AK7: variants seen among roughly 807,000 people sequenced by gnomAD.
AK7 encodes the protein adenylate kinase 7.
A neutral mutation model predicts 96.6 loss-of-function variants in AK7; 78 were observed. The ratio of observed to expected loss-of-function variants is 0.81; its 90% CI spans 0.67 to 0.97. The LOEUF is 0.97. Ranked by LOEUF, AK7 falls within the 50% of genes least tolerant of loss-of-function variation. AK7 has a pLI of 0.00. For missense variants in AK7, 855 were observed against 887.9 expected, an observed-to-expected ratio of 0.96 and a Z score of 0.47; for synonymous variants, 302 against 317.2, an observed-to-expected ratio of 0.95 and a Z score of 0.51.
At chr14:96,466,811 TAGAAACTCC>T (rs1450085233) in intron 12 of AK7, among the ~76,000 whole-genome samples, 1 of 152,204 alleles carries the variant, frequency 6.6e-6, no homozygotes, top group Non-Finnish European at 1.5e-5. Flanking sequence ...TAACGTCATG[TAGAAACTCC>T]ATACCATTAA....
At chr14:96,484,622 T>C (rs186450180) in intron 16 of AK7, among the ~76,000 whole-genome samples, 1 of 152,342 alleles carries the variant, frequency 6.6e-6, no homozygotes, top group Admixed American at 6.5e-5. Context: ...CCTGGCATCT[T>C]TACCAGAAGT....
intron 15 of AK7, among the ~76,000 whole-genome samples, chr14:96,481,091 C>T (rs191442634): frequency 4.6e-5 from 7 of 152,290 alleles, no homozygotes; most frequent in African/African-American, 1.7e-4. Context: ...TACAATGCTA[C>T]CCTGGGAGCC....
rs551954630 is a variant in AK7 at position 96,478,345 on chromosome 14, A to G, written c.1556-120A>G. The G allele has an allele frequency of 6.2e-6, 6 of 963,040 alleles. No individual in the cohort carries two copies. In the African/African-American group the frequency reaches 8.0e-5, roughly 13 times the overall value. The allele number at this position is 963,040 out of a possible 1,614,324, so 59.7% of individuals were successfully genotyped here. On this transcript the variant is annotated intron_variant, in intron 14 of 17. Transcript: ENST00000267584. ...CATGAGAGGCAGCAAAGCCAATTGG[A>G]CAGGCTATTTGTGGCAACAGGAGGT...
At chr14:96,405,599 C>T (rs1486153524) in intron 3 of AK7, among the ~76,000 whole-genome samples, 1 of 152,144 alleles carries the variant, frequency 6.6e-6, no homozygotes, top group Admixed American at 6.5e-5. Context: ...CCCCAAGGCA[C>T]AAGTCATCAC....
At chr14:96,423,942 C>A in intron 5 of AK7, 1 of 1,059,476 alleles carries the variant, frequency 9.4e-7, no homozygotes, top group Non-Finnish European at 1.5e-6. Context: ...CACTGCCCTT[C>A]ATGTGGACCA....
chr14:96,411,502 C>A (rs541858853), intron 4 of AK7, among the ~76,000 whole-genome samples: 1 of 151,488 alleles, frequency 6.6e-6, no homozygotes, highest in African/African-American at 2.4e-5. Context: ...CAGAGAGAGG[C>A]CCTGTCTCAA....
At chr14:96,475,384 GA>G (rs2140163409) in intron 14 of AK7, among the ~76,000 whole-genome samples, 1 of 152,262 alleles carries the variant, frequency 6.6e-6, no homozygotes, top group African/African-American at 2.4e-5. Context: ...AGAACAAGGG[GA>G]AAGGTCTAGA....
At chr14:96,424,104 G>T (rs1362206809) in intron 5 of AK7, 2 of 666,152 alleles carry the variant, frequency 3.0e-6, no homozygotes, top group African/African-American at 1.8e-5. Context: ...CGGGCACGGT[G>T]CTCCGCTCGT....
chr14:96,422,362 A>G (rs1891751808), intron 5 of AK7, among the ~76,000 whole-genome samples: 1 of 152,212 alleles, frequency 6.6e-6, no homozygotes, highest in African/African-American at 2.4e-5. Flanking sequence ...GTTACAAACA[A>G]TCCATAGATA....
intron 7 of AK7, among the ~76,000 whole-genome samples, chr14:96,444,727 T>C (rs1893136323): frequency 6.6e-6 from 1 of 152,082 alleles, no homozygotes; most frequent in Admixed American, 6.6e-5. Context: ...TTTTTTTTTT[T>C]TTCCTTTTGA....
chr14:96,405,974 T>G (rs1173458006), intron 3 of AK7, among the ~76,000 whole-genome samples: 1 of 152,140 alleles, frequency 6.6e-6, no homozygotes, highest in Non-Finnish European at 1.5e-5. Flanking sequence ...TGAACTGTAA[T>G]GTAAGGACCT....
chr14:96,450,861 A>G (rs1251062410), intron 9 of AK7, among the ~76,000 whole-genome samples: 1 of 131,116 alleles, frequency 7.6e-6, no homozygotes, highest in Non-Finnish European at 1.5e-5. Flanking sequence ...TGCAAGTTCC[A>G]CCTCCCGGGT....
At chr14:96,468,571 A>G (rs1309281956) in intron 12 of AK7, among the ~76,000 whole-genome samples, 1 of 151,986 alleles carries the variant, frequency 6.6e-6, no homozygotes, top group Non-Finnish European at 1.5e-5. Context: ...TGCTGGGATT[A>G]CAGGCGTGAG....
chr14:96,451,622 A>G, intron 10 of AK7, 52 bp downstream of exon 10: 4 of 1,382,662 alleles, frequency 2.9e-6, no homozygotes, highest in Non-Finnish European at 3.8e-6. Flanking sequence ...AAATGAATCA[A>G]ACTTCTAGTG....
intron 3 of AK7, 47 bp downstream of exon 3, chr14:96,404,912 T>C: frequency 7.2e-7 from 1 of 1,387,780 alleles, no homozygotes. Context: ...ATTGTAGTGC[T>C]GCCTACTTCA....
chr14:96,456,226 G>C, intron 10 of AK7, 121 bp from the exon 11 acceptor site: 1 of 1,080,688 alleles, frequency 9.3e-7, no homozygotes, highest in Non-Finnish European at 1.3e-6. Flanking sequence ...AACAGAGTGA[G>C]AGACTCTGTC....
intron 1 of AK7, among the ~76,000 whole-genome samples, chr14:96,395,594 G>A (rs898121741): frequency 1.4e-4 from 21 of 151,950 alleles, no homozygotes; most frequent in African/African-American, 5.1e-4. Context: ...TACCTTCCCA[G>A]CTGCTCAGGA....
intron 12 of AK7, among the ~76,000 whole-genome samples, chr14:96,463,447 C>T (rs1267237190): frequency 2.0e-5 from 3 of 151,416 alleles, no homozygotes; most frequent in Non-Finnish European, 2.9e-5. Flanking sequence ...GAGCCGGGCG[C>T]GGTGGCTCAC....
intron 15 of AK7, among the ~76,000 whole-genome samples, chr14:96,481,331 A>G (rs1394717858): frequency 6.6e-6 from 1 of 151,882 alleles, no homozygotes; most frequent in Non-Finnish European, 1.5e-5. Flanking sequence ...AAATGCATTT[A>G]TTTATTTATT....
Sources: allele counts gnomAD v4.1 joint callset (sites outside exome capture counted in the v4.1 genomes callset), GRCh38; gene constraint gnomAD v4.1.1; transcripts MANE v1.5; gene names NCBI Gene and HGNC (gene_info 2026-07-23, HGNC 2026-07-21).